ZNF420: variants seen among roughly 807,000 people sequenced by gnomAD.
ZNF420 encodes zinc finger protein 420, also known as ATM and p53-associated KZNF protein.
A neutral mutation model predicts 44.7 loss-of-function variants in ZNF420; 31 were observed. The observed-to-expected ratio is 0.69, with a 90% CI of 0.52 to 0.94. The LOEUF is 0.94. Ranked by LOEUF, ZNF420 falls within the 40% of genes least tolerant of loss-of-function variation. ZNF420 has a pLI of 0.00. For missense variants in ZNF420, 681 were observed against 827.9 expected (o/e 0.82, Z 2.18); for synonymous variants, 245 against 267.4 (o/e 0.92, Z 0.82).
upstream of ZNF420, chr19:37,075,106 A>C (rs185167316): frequency 6.6e-6 from 1 of 152,348 alleles, no homozygotes; most frequent in East Asian, 1.9e-4. Flanking sequence ...GAACATACTT[A>C]CCAATGCTGT....
At chr19:37,066,675 C>T (rs757598519) in intron 1 of ZNF420, among the ~76,000 whole-genome samples, 2 of 152,150 alleles carry the variant, frequency 1.3e-5, no homozygotes, top group African/African-American at 2.4e-5. Context: ...GACTGAAACT[C>T]TCATACTTTG....
intron 2 of ZNF420, among the ~76,000 whole-genome samples, chr19:37,083,170 T>C (rs551271049): frequency 2.1e-5 from 3 of 145,080 alleles, no homozygotes; most frequent in African/African-American, 7.5e-5. Context: ...CGTTTTTGCT[T>C]TTTTTTTTTT....
At position 37,129,273 on chromosome 19, in the gene ZNF420, A is replaced by C; in HGVS notation, c.*215A>C. On this transcript the variant is annotated 3_prime_UTR_variant, in exon 5 of 5. Coordinates refer to ENST00000337995, the MANE Select transcript of ZNF420 (RefSeq NM_144689.5). Reference sequence around the variant, plus strand: ...ATTGGAGAATAGTTTTAATATAGTAAATGTAGGAAGCCCTTTAGCCATATT... The same window carrying C: ...ATTGGAGAATAGTTTTAATATAGTACATGTAGGAAGCCCTTTAGCCATATT... 1.7e-6 allele frequency: 1 copy of C among 574,626 alleles called. No individual in the cohort carries two copies. Among genetic ancestry groups the C allele is most frequent in the Non-Finnish European group, 3.0e-6 (1 of 335,838 alleles). The allele number at this position is 574,626 out of a possible 1,614,324, so 35.6% of individuals were successfully genotyped here.
At chr19:37,124,431 T>C (rs1022741615) in intron 4 of ZNF420, among the ~76,000 whole-genome samples, 1 of 152,232 alleles carries the variant, frequency 6.6e-6, no homozygotes, top group Non-Finnish European at 1.5e-5. Flanking sequence ...CTTTGACATA[T>C]AGATGTTTGT....
intron 1 of ZNF420, among the ~76,000 whole-genome samples, chr19:37,044,089 C>A (rs1236756847): frequency 1.3e-5 from 2 of 152,162 alleles, no homozygotes; most frequent in East Asian, 1.9e-4. Flanking sequence ...AGACCTTTGT[C>A]CAGGTTTAAG....
chr19:37,111,150 A>G (rs530714777), intron 4 of ZNF420, among the ~76,000 whole-genome samples: 1 of 152,348 alleles, frequency 6.6e-6, no homozygotes, highest in South Asian at 2.1e-4. Context: ...ATTTTGAACA[A>G]TGATGCCTGT....
rs1418789857 is a variant in ZNF420, at chr19:37,127,378, T to C, written c.387T>C (p.His129=). Residue 129 remains histidine (H), a synonymous_variant, in exon 5 of 5, where the codon CAT becomes CAC. Coordinates refer to ENST00000337995, the MANE Select transcript of ZNF420 (RefSeq NM_144689.5). ...IFNQHTYLSQ[H]SRCHSTEKPY... ...ACCAGCATACTTACTTATCTCAACA[T>C]TCAAGATGTCATTCTACTGAGAAAC... is the stretch of plus-strand genomic sequence containing the variant. 1.2e-5 allele frequency: 20 copies of C among 1,613,614 alleles called. No homozygotes were observed. Among genetic ancestry groups the C allele is most frequent in the Non-Finnish European group, 1.7e-5 (20 of 1,179,700 alleles).
chr19:37,046,716 A>G (rs897954244), intron 1 of ZNF420, among the ~76,000 whole-genome samples: 22 of 152,212 alleles, frequency 1.4e-4, no homozygotes, highest in African/African-American at 5.1e-4. Context: ...AATACATTCA[A>G]ATACATTTAC....
intron 4 of ZNF420, among the ~76,000 whole-genome samples, chr19:37,119,736 TAAAG>T (rs1227339007): frequency 1.3e-5 from 2 of 151,326 alleles, no homozygotes; most frequent in Non-Finnish European, 2.9e-5. Context: ...GCAAGACTAA[TAAAG>T]AAGAAAAGAG....
At chr19:37,127,064 CTAT>C (rs1365579449) in intron 4 of ZNF420, 61 bp from the exon 5 acceptor site, 2 of 1,322,898 alleles carry the variant, frequency 1.5e-6, no homozygotes, top group South Asian at 2.1e-5. Flanking sequence ...CATTATTTTC[CTAT>C]TATTTGTCTT....
At chr19:37,033,197 TATAC>T (rs1434694219) in intron 1 of ZNF420, among the ~76,000 whole-genome samples, 3 of 152,330 alleles carry the variant, frequency 2.0e-5, no homozygotes, top group Non-Finnish European at 2.9e-5. Flanking sequence ...TGTGGCAAAA[TATAC>T]ATAGCATAAC....
rs149269583 is a variant in ZNF420 at position 37,098,835 on chromosome 19, T to C, written c.136+7714T>C. 3.2e-3 allele frequency among the ~76,000 whole-genome samples: 491 copies of C among 152,266 alleles called. 5 individuals are homozygous for C. The highest frequency in any genetic ancestry group is 0.011 in the African/African-American group (472 of 41,548). The stretch of plus-strand genomic sequence containing the variant: ...AACTTTGTACCCATAGACCAATCTC[T>C]TCCCAGCCACCCCCTCAGCATCTGG... On this transcript the variant is annotated intron_variant, in intron 4 of 4. Coordinates refer to ENST00000337995, the MANE Select transcript of ZNF420 (RefSeq NM_144689.5).
At chr19:37,050,069 G>A (rs1333412182) in intron 1 of ZNF420, among the ~76,000 whole-genome samples, 1 of 152,012 alleles carries the variant, frequency 6.6e-6, no homozygotes, top group African/African-American at 2.4e-5. Context: ...TGTTCCATTG[G>A]TCTATATCTC....
intron 1 of ZNF420, among the ~76,000 whole-genome samples, chr19:37,019,325 G>T (rs1054038152): frequency 1.3e-5 from 2 of 152,118 alleles, no homozygotes; most frequent in African/African-American, 4.8e-5. Flanking sequence ...TCTATAAGGA[G>T]ATACTACTTT....
intron 1 of ZNF420, among the ~76,000 whole-genome samples, chr19:37,045,482 C>A (rs1967527288): frequency 6.6e-6 from 1 of 152,284 alleles, no homozygotes; most frequent in African/African-American, 2.4e-5. Flanking sequence ...TGACCTCAGG[C>A]TGACTTCAAG....
chr19:37,051,951 T>C (rs1204216110), intron 1 of ZNF420, among the ~76,000 whole-genome samples: 2 of 152,210 alleles, frequency 1.3e-5, no homozygotes, highest in East Asian at 3.8e-4. Context: ...AAGAACATGT[T>C]GACAGTGGGG....
chr19:37,065,222 G>A lies in ZNF420; in HGVS notation c.-124-15123G>A, dbSNP rs1335716808. On this transcript the variant is annotated intron_variant, in intron 1 of 4. Transcript: ENST00000587029. ...GCCCTGGATTCTATCCAAGCCACAA[G>A]GGATTTTATGCCCTGGGCTTAGATT... 3.9e-5 allele frequency among the ~76,000 whole-genome samples: 6 copies of A among 152,268 alleles called. No individual in the cohort carries two copies. In the East Asian group the frequency reaches 7.7e-4, roughly 20 times the overall value.
At chr19:37,008,749 G>T (rs2074547178) in intron 1 of ZNF420, among the ~76,000 whole-genome samples, 2 of 152,198 alleles carry the variant, frequency 1.3e-5, no homozygotes, top group Admixed American at 1.3e-4. Flanking sequence ...GTGGCACTGT[G>T]CTGTATCCTG....
chr19:37,045,931 T>C (rs1260089118), intron 1 of ZNF420, among the ~76,000 whole-genome samples: 1 of 152,200 alleles, frequency 6.6e-6, no homozygotes, highest in East Asian at 1.9e-4. Context: ...GATGCATAAC[T>C]GTAGGTGAAA....
Sources: allele counts gnomAD v4.1 joint callset (sites outside exome capture counted in the v4.1 genomes callset), GRCh38; gene constraint gnomAD v4.1.1; transcripts MANE v1.5; gene names NCBI Gene and HGNC (gene_info 2026-07-23, HGNC 2026-07-21).